NDUFAF2: variants seen among roughly 807,000 people sequenced by gnomAD.
NDUFAF2 encodes NADH dehydrogenase [ubiquinone] 1 alpha subcomplex assembly factor 2.
Under a neutral mutation model 22.8 loss-of-function variants are expected in NDUFAF2, and 13 were observed. The ratio of observed to expected loss-of-function variants is 0.57; its 90% CI spans 0.37 to 0.91. The LOEUF (loss-of-function observed/expected upper bound fraction) is 0.91, where lower values mean the gene tolerates loss of function less well. Among genes scored for constraint, NDUFAF2 ranks in the 40% least tolerant of loss-of-function variants. The pLI, the probability that NDUFAF2 is intolerant of heterozygous loss-of-function variation, is 0.01. For synonymous variants in NDUFAF2, 53 were observed against 64.2 expected (o/e 0.83, Z 0.84); for missense variants, 162 against 195.2 (o/e 0.83, Z 1.01).
intron 1 of NDUFAF2, among the ~76,000 whole-genome samples, chr5:61,007,331 A>G (rs915914037): frequency 1.4e-4 from 22 of 152,016 alleles, no homozygotes; most frequent in African/African-American, 5.1e-4. Flanking sequence ...AGCTTTCTAC[A>G]TATGGCTAGC....
chr5:61,083,592 A>C (rs925919341), intron 2 of NDUFAF2, among the ~76,000 whole-genome samples: 13 of 145,064 alleles, frequency 9.0e-5, no homozygotes, highest in Non-Finnish European at 7.9e-5. Flanking sequence ...TCCTTTCACC[A>C]TGTTGAGATC....
chr5:61,090,440 G>A (rs1752552644), intron 2 of NDUFAF2, among the ~76,000 whole-genome samples: 2 of 151,834 alleles, frequency 1.3e-5, no homozygotes, highest in Non-Finnish European at 2.9e-5. Context: ...TTCGTCTTTT[G>A]ATGTTTTTGC....
chr5:61,055,102 A>C (rs375251206), intron 1 of NDUFAF2, among the ~76,000 whole-genome samples: 6 of 152,210 alleles, frequency 3.9e-5, no homozygotes, highest in African/African-American at 1.4e-4. Context: ...GAAGAGGAAA[A>C]TATATATAGT....
Position 61,089,741 on chromosome 5 carries a change from G to T in NDUFAF2, c.218-9251G>T, listed in dbSNP as rs532011057. On this transcript the variant is annotated intron_variant, in intron 2 of 3. Transcript: ENST00000296597. The stretch of plus-strand genomic sequence containing the variant: ...AGTCCCCTGACAGTAAATAGACTAG[G>T]CAATATTTATTATAATACATTCAGT... Among the ~76,000 whole-genome samples, 7 of 151,980 alleles carry T rather than the reference G, an allele frequency of 4.6e-5. 1 individual carries two copies. Among genetic ancestry groups the T allele is most frequent in the African/African-American group, 1.7e-4 (7 of 41,466 alleles).
In NDUFAF2 at chr5:61,111,456, AAATGG is replaced by A. The variant is rs537034230; in HGVS notation, c.258+12425_258+12429del. Among the ~76,000 whole-genome samples the A allele has an allele frequency of 3.8e-3, 577 of 152,080 alleles. 3 individuals are homozygous for A. The highest frequency in any genetic ancestry group is 0.013 in the African/African-American group (559 of 41,500). ...TATTTATTATTTATTTATTTATTTAAAATGGGGTCTCACTCTGTCACCCAGGCTGC... is the reference window on the plus strand; with the variant it reads ...TATTTATTATTTATTTATTTATTTAAGGTCTCACTCTGTCACCCAGGCTGC... On this transcript the variant is annotated intron_variant, in intron 3 of 3. Transcript: ENST00000296597.
At chr5:61,034,596 T>G (rs1213532332) in intron 1 of NDUFAF2, among the ~76,000 whole-genome samples, 1 of 152,110 alleles carries the variant, frequency 6.6e-6, no homozygotes, top group African/African-American at 2.4e-5. Flanking sequence ...ACCATAGCCA[T>G]AAAGAAATGT....
chr5:61,002,239 C>T (rs1459590091), intron 1 of NDUFAF2, among the ~76,000 whole-genome samples: 1 of 152,072 alleles, frequency 6.6e-6, no homozygotes, highest in African/African-American at 2.4e-5. Flanking sequence ...TTCTGTGAGT[C>T]CTCTCTAATA....
intron 1 of NDUFAF2, among the ~76,000 whole-genome samples, chr5:61,034,428 G>A (rs1388194405): frequency 6.6e-6 from 1 of 152,164 alleles, no homozygotes; most frequent in Non-Finnish European, 1.5e-5. Flanking sequence ...GTAGGCACTT[G>A]TAACACAACG....
chr5:60,988,854 G>T (rs1406693310), intron 1 of NDUFAF2, among the ~76,000 whole-genome samples: 1 of 152,108 alleles, frequency 6.6e-6, no homozygotes, highest in Non-Finnish European at 1.5e-5. Context: ...TACCATTCTG[G>T]ACATAGGAAC....
intron 3 of NDUFAF2, among the ~76,000 whole-genome samples, chr5:61,125,752 C>T (rs921797754): frequency 1.3e-5 from 2 of 152,000 alleles, no homozygotes; most frequent in African/African-American, 4.8e-5. Flanking sequence ...TTAAGTATGA[C>T]AGTGTTATAT....
In NDUFAF2 at chr5:61,030,362, A is replaced by G. The variant is rs562286167; in HGVS notation, c.128-42763A>G. Among the ~76,000 whole-genome samples the G allele has an allele frequency of 2.6e-5, 4 of 152,200 alleles. No homozygotes were observed. The South Asian group carries it at 8.3e-4, about 32-fold the overall frequency. On this transcript the variant is annotated intron_variant, in intron 1 of 3. Transcript: ENST00000296597. ...CTTTAAACTAAGTCTGGGTTACATT[A>G]TACAGACCATCCAATTCTTTGCCCT...
At chr5:61,017,231 T>C (rs996456380) in intron 1 of NDUFAF2, among the ~76,000 whole-genome samples, 15 of 152,212 alleles carry the variant, frequency 9.9e-5, no homozygotes, top group African/African-American at 2.9e-4. Flanking sequence ...ACTGATGTTA[T>C]GTTGACAGGG....
chr5:61,135,446 A>G (rs1740911113), intron 3 of NDUFAF2, among the ~76,000 whole-genome samples: 1 of 152,232 alleles, frequency 6.6e-6, no homozygotes, highest in African/African-American at 2.4e-5. Flanking sequence ...CATCAAAAAT[A>G]GAAATACTAA....
chr5:61,083,860 A>G (rs1752474741), intron 2 of NDUFAF2, among the ~76,000 whole-genome samples: 1 of 151,770 alleles, frequency 6.6e-6, no homozygotes, highest in Admixed American at 6.6e-5. Flanking sequence ...TGTTAAACTC[A>G]CTTATCAATT....
intron 1 of NDUFAF2, among the ~76,000 whole-genome samples, chr5:61,072,079 G>A (rs1051432762): frequency 2.6e-5 from 4 of 152,056 alleles, no homozygotes; most frequent in African/African-American, 9.7e-5. Context: ...TTTCTGCATT[G>A]CTACTATTCC....
chr5:61,049,976 G>A (rs768904192), intron 1 of NDUFAF2, among the ~76,000 whole-genome samples: 13 of 151,432 alleles, frequency 8.6e-5, no homozygotes, highest in African/African-American at 2.4e-4. Context: ...TTGGCCCTCC[G>A]AAAGTTGAAG....
chr5:61,129,362 A>T (rs1016572197), intron 3 of NDUFAF2, among the ~76,000 whole-genome samples: 1 of 152,218 alleles, frequency 6.6e-6, no homozygotes, highest in African/African-American at 2.4e-5. Flanking sequence ...TTGCAGCACT[A>T]TTCACAATAA....
chr5:61,057,434 G>A (rs955820534), intron 1 of NDUFAF2, among the ~76,000 whole-genome samples: 1 of 152,202 alleles, frequency 6.6e-6, no homozygotes, highest in African/African-American at 2.4e-5. Context: ...TAAATGTATG[G>A]TGGTCTTTCT....
At chr5:60,977,106 A>G (rs908719920) in intron 1 of NDUFAF2, among the ~76,000 whole-genome samples, 2 of 152,074 alleles carry the variant, frequency 1.3e-5, no homozygotes, top group Non-Finnish European at 2.9e-5. Context: ...AAAAATTAAT[A>G]TAATATTAAA....
Sources: allele counts gnomAD v4.1 joint callset (sites outside exome capture counted in the v4.1 genomes callset), GRCh38; gene constraint gnomAD v4.1.1; transcripts MANE v1.5; gene names NCBI Gene and HGNC (gene_info 2026-07-23, HGNC 2026-07-21).